OGDHL: variants seen among roughly 807,000 people sequenced by gnomAD.
OGDHL encodes the protein oxoglutarate dehydrogenase L, also known as 2-oxoglutarate dehydrogenase-like, mitochondrial.
In OGDHL, 79 loss-of-function variants were observed where a neutral mutation model predicts 109.6. That is an observed-to-expected ratio of 0.72 (90% CI 0.60 to 0.87). The LOEUF (loss-of-function observed/expected upper bound fraction) is 0.87. Ranked by LOEUF, OGDHL falls within the 40% of genes least tolerant of loss-of-function variation. The pLI is 0.00. For missense variants in OGDHL, 1,275 were observed against 1,362.2 expected, an observed-to-expected ratio of 0.94 and a Z score of 1.01; for synonymous variants, 528 against 537.2, an observed-to-expected ratio of 0.98 and a Z score of 0.24.
intron 12 of OGDHL, among the ~76,000 whole-genome samples, chr10:49,745,038 G>C (rs909240103): frequency 2.0e-5 from 3 of 152,208 alleles, no homozygotes; most frequent in Admixed American, 6.5e-5. Context: ...GTGGAAGGAC[G>C]AACACTCCAT....
intron 6 of OGDHL, 137 bp from the exon 7 acceptor site, chr10:49,751,122 A>G (rs1182306410): frequency 3.7e-6 from 3 of 810,162 alleles, no homozygotes; most frequent in Admixed American, 2.7e-5. Context: ...TTCCACCTAC[A>G]TGGTCCAGGG....
intron 8 of OGDHL, 68 bp downstream of exon 8, chr10:49,749,658 C>G: frequency 7.3e-7 from 1 of 1,363,128 alleles, no homozygotes; most frequent in South Asian, 1.3e-5. Flanking sequence ...CCCGGCTCAG[C>G]CCCTCCACAG....
At chr10:49,758,696 G>A in intron 1 of OGDHL, 103 bp from the exon 2 acceptor site, 1 of 1,152,830 alleles carries the variant, frequency 8.7e-7, no homozygotes. Flanking sequence ...TTCCCACTGG[G>A]CAGATGGTGC....
At chr10:49,761,196 T>C (rs1165628274) in intron 1 of OGDHL, among the ~76,000 whole-genome samples, 2 of 151,958 alleles carry the variant, frequency 1.3e-5, no homozygotes, top group East Asian at 3.9e-4. Flanking sequence ...CCCTGCCCAG[T>C]CCAGACTCCA....
intron 15 of OGDHL, 32 bp downstream of exon 15, chr10:49,742,796 C>G (rs769605443): frequency 2.5e-6 from 4 of 1,599,786 alleles, no homozygotes; most frequent in Non-Finnish European, 3.4e-6. Flanking sequence ...CTCCAGGTCT[C>G]CTGTGCGGAT....
At chr10:49,755,428 A>G (rs1411716792) in intron 3 of OGDHL, among the ~76,000 whole-genome samples, 1 of 152,362 alleles carries the variant, frequency 6.6e-6, no homozygotes, top group East Asian at 1.9e-4. Context: ...ATCTGCCTCA[A>G]GATAATCAGC....
intron 3 of OGDHL, among the ~76,000 whole-genome samples, chr10:49,753,513 T>C (rs962865030): frequency 6.6e-6 from 1 of 152,240 alleles, no homozygotes; most frequent in African/African-American, 2.4e-5. Context: ...ACCATTCCAA[T>C]TGACTAATGG....
At chr10:49,742,001 A>T (rs60892554) in intron 15 of OGDHL, among the ~76,000 whole-genome samples, 54,980 of 135,872 alleles carry the variant, frequency 0.4, 12,156 homozygotes, top group East Asian at 0.85. Flanking sequence ...ACACCCCACA[A>T]ATACCACACC....
At position 49,735,050 on chromosome 10, in the gene OGDHL, G is replaced by C; in HGVS notation, c.*178C>G. ...GACTCCTCTGGCTCCCTCAGTCCTG[G>C]TAGATTCTGGCATGACACCAAGGCC... On this transcript the variant is annotated 3_prime_UTR_variant, in exon 23 of 23. Coordinates refer to ENST00000374103, the MANE Select transcript of OGDHL (RefSeq NM_018245.3). 1.4e-6 allele frequency: 1 copy of C among 699,082 alleles called. No homozygotes were observed. The highest frequency in any genetic ancestry group is 2.3e-6 in the Non-Finnish European group (1 of 432,546). The allele number at this position is 699,082 out of a possible 1,614,324, so 43.3% of individuals were successfully genotyped here. A position where few individuals can be genotyped will look rare whatever the true frequency, so the allele number is the denominator to read the frequency against.
intron 15 of OGDHL, among the ~76,000 whole-genome samples, chr10:49,742,454 C>CAT (rs1841832562): frequency 8.3e-5 from 12 of 143,766 alleles, no homozygotes; most frequent in African/African-American, 1.6e-4. Flanking sequence ...ACACCACACA[C>CAT]ACGCACCACA....
rs776069510 is a variant in OGDHL at position 49,747,016 on chromosome 10, C to A, written c.1167+13G>T. On this transcript the variant is annotated intron_variant, in intron 9 of 22. Transcript: ENST00000374103. ...AGGGCCCAGGTCCTCTGGGTTCCCCCAGGTGAGCTCACCTTCTTGCCCTGG... is the reference window on the plus strand; with the variant it reads ...AGGGCCCAGGTCCTCTGGGTTCCCCAAGGTGAGCTCACCTTCTTGCCCTGG... 2.9e-5 allele frequency: 46 copies of A among 1,613,064 alleles called. No individual in the cohort carries two copies. The highest frequency in any genetic ancestry group is 3.8e-5 in the Non-Finnish European group (45 of 1,179,342).
rs772878253 is a variant in OGDHL, at chr10:49,736,080, T to A, written c.2852A>T (p.Tyr951Phe). Residue 951 changes from tyrosine to phenylalanine, a missense_variant, in exon 22 of 23, where the codon TAC becomes TTC. Tyr to Phe is a conservative substitution (Grantham distance 22). Transcript: ENST00000374103. Reference protein sequence around the residue: ...WCQEEHKNMGYYDYISPRFMT... With the variant: ...WCQEEHKNMGFYDYISPRFMT... ...GAAGCGTGGGCTGATGTAGTCATAG[T>A]AGCCCATGTTCTTGTGCTCCTCCTG... 1 of 1,611,614 alleles carries A rather than the reference T, an allele frequency of 6.2e-7. No individual in the cohort carries two copies. Among genetic ancestry groups the A allele is most frequent in the Non-Finnish European group, 8.5e-7 (1 of 1,178,688 alleles).
chr10:49,750,024 T>G (rs1173904602), intron 7 of OGDHL, among the ~76,000 whole-genome samples: 1 of 152,190 alleles, frequency 6.6e-6, no homozygotes, highest in East Asian at 1.9e-4. Context: ...CTCAGGCCAC[T>G]GGGCCAGCTC....
At chr10:49,743,036 G>A in intron 14 of OGDHL, 58 bp from the exon 15 acceptor site, 1 of 1,586,484 alleles carries the variant, frequency 6.3e-7, no homozygotes, top group Non-Finnish European at 8.5e-7. Context: ...GGGGCGGGTA[G>A]GTAGGTGCTC....
rs1359649530 is a variant in OGDHL at position 49,756,787 on chromosome 10, G to A, written c.364C>T (p.Arg122Trp). The A allele has an allele frequency of 4.3e-6, 7 of 1,612,934 alleles. No homozygotes were observed. Among genetic ancestry groups the A allele is most frequent in the Non-Finnish European group, 5.1e-6 (6 of 1,179,450 alleles). Residue 122 changes from arginine to tryptophan, a missense_variant, in exon 3 of 23, where the codon CGG (arginine) becomes TGG (tryptophan). By Grantham distance (101) the Arg-to-Trp change is moderately radical (BLOSUM62 -3). Coordinates refer to ENST00000374103, the MANE Select transcript of OGDHL (RefSeq NM_018245.3). ...CAGCTGCCCCTCACCTGGTAGGCCC[G>A]GATCAGGGACTGCACAGCCAGGTGG... The part of the protein sequence containing the change: ...EDHLAVQSLI[R>W]AYQIRGHHVA...
rs1458021919 is a variant in OGDHL at position 49,745,440 on chromosome 10, C to T, written c.1533G>A (p.Pro511=). 1.9e-6 allele frequency: 3 copies of T among 1,614,000 alleles called. No homozygotes were observed. The highest frequency in any genetic ancestry group is 1.1e-5 in the South Asian group (1 of 91,086). ...NEMDEPMFTQ[P]LMYKQIHRQV... Reference sequence around the variant, plus strand: ...GTCTGTGGATCTGCTTGTACATGAGCGGCTGGGTGAACATGGGCTCGTCCA... The same window carrying T: ...GTCTGTGGATCTGCTTGTACATGAGTGGCTGGGTGAACATGGGCTCGTCCA... The change falls in exon 12 of 23, where the codon CCG becomes CCA. Residue 511 remains proline, a synonymous_variant. Coordinates refer to ENST00000374103, the MANE Select transcript of OGDHL (RefSeq NM_018245.3).
intron 10 of OGDHL, among the ~76,000 whole-genome samples, chr10:49,746,375 CTT>C (rs1189668835): frequency 6.6e-6 from 1 of 152,226 alleles, no homozygotes; most frequent in Non-Finnish European, 1.5e-5. Context: ...GATGACGTGA[CTT>C]AATGCAAACA....
At chr10:49,746,649 T>C (rs748400622) in intron 10 of OGDHL, 101 bp downstream of exon 10, 2 of 1,476,640 alleles carry the variant, frequency 1.4e-6, no homozygotes, top group Admixed American at 3.7e-5. Flanking sequence ...AGCACAGCAG[T>C]GGGCTCAGAG....
In OGDHL at chr10:49,758,053, ATTTAT is replaced by A. The variant is rs533620308; in HGVS notation, c.204+331_204+335del. Among the ~76,000 whole-genome samples, 190 of 152,326 alleles carry A rather than the reference ATTTAT, an allele frequency of 1.2e-3. 2 individuals carry two copies. Among genetic ancestry groups the A allele is most frequent in the African/African-American group, 4.3e-3 (178 of 41,560 alleles). On this transcript the variant is annotated intron_variant, in intron 2 of 22. Coordinates refer to ENST00000374103, the MANE Select transcript of OGDHL (RefSeq NM_018245.3). ...ATTTTTTTCTTTACTATCAGCAAGT[ATTTAT>A]TTTATCAGATCAATACATACACAAA... is the stretch of plus-strand genomic sequence containing the variant.
Sources: gnomAD v4.1 joint callset for allele counts (sites outside exome capture counted in the v4.1 genomes callset) on GRCh38, gnomAD v4.1.1 for gene constraint, MANE v1.5 for transcripts, NCBI Gene and HGNC (gene_info 2026-07-23, HGNC 2026-07-21) for gene names.